The following NRG3 variants were observed in gnomAD, a reference collection of about 807,000 sequenced individuals.
NRG3 encodes neuregulin 3, also known as pro-neuregulin-3, membrane-bound isoform.
NRG3 carries 31 observed loss-of-function variants against 66.9 expected under a neutral mutation model. The observed-to-expected ratio is 0.46, with a 90% CI of 0.35 to 0.63. NRG3 has a LOEUF of 0.63. Among genes scored for constraint, NRG3 ranks in the 20% least tolerant of loss-of-function variants. The pLI is 0.00. For missense variants in NRG3, 910 were observed against 878.9 expected, an observed-to-expected ratio of 1.04 and a Z score of -0.45; for synonymous variants, 393 against 359.4, an observed-to-expected ratio of 1.09 and a Z score of -1.06.
chr10:82,005,717 A>G (rs550741262), intron 1 of NRG3, among the ~76,000 whole-genome samples: 1 of 152,290 alleles, frequency 6.6e-6, no homozygotes, highest in South Asian at 2.1e-4. Context: ...ATGTACTTAC[A>G]ATGAATAAAT....
intron 1 of NRG3, among the ~76,000 whole-genome samples, chr10:82,220,116 G>A (rs1218010978): frequency 1.3e-5 from 2 of 152,068 alleles, no homozygotes; most frequent in South Asian, 4.2e-4. Context: ...TCATTTTGCT[G>A]TCAAGATAGG....
At chr10:82,098,553 C>G (rs1005937495) in intron 1 of NRG3, among the ~76,000 whole-genome samples, 2 of 152,280 alleles carry the variant, frequency 1.3e-5, no homozygotes, top group Middle Eastern at 3.4e-3. Flanking sequence ...GATGGATACA[C>G]TATCTCTAGC....
intron 3 of NRG3, among the ~76,000 whole-genome samples, chr10:82,784,293 C>T (rs1269686044): frequency 7.3e-5 from 11 of 151,350 alleles, no homozygotes; most frequent in Admixed American, 1.3e-4. Context: ...AGGACATAGG[C>T]ATGGGCAAGG....
chr10:82,103,971 G>A (rs2066911678), intron 1 of NRG3, among the ~76,000 whole-genome samples: 1 of 147,126 alleles, frequency 6.8e-6, no homozygotes, highest in Non-Finnish European at 1.5e-5. Context: ...TTTTTCTCGT[G>A]CCTTTTTTTT....
At chr10:82,685,636 T>G (rs2054455091) in intron 2 of NRG3, among the ~76,000 whole-genome samples, 1 of 152,198 alleles carries the variant, frequency 6.6e-6, no homozygotes, top group African/African-American at 2.4e-5. Context: ...TGCTGTAACA[T>G]TTTTACTTTA....
At chr10:82,635,275 G>A (rs1370089747) in intron 2 of NRG3, among the ~76,000 whole-genome samples, 1 of 152,028 alleles carries the variant, frequency 6.6e-6, no homozygotes, top group African/African-American at 2.4e-5. Flanking sequence ...CAGAACCCAC[G>A]TAGTTATTTG....
chr10:82,195,280 A>G (rs2074384359), intron 1 of NRG3, among the ~76,000 whole-genome samples: 1 of 152,200 alleles, frequency 6.6e-6, no homozygotes, highest in Admixed American at 6.5e-5. Context: ...GTTTCCATGG[A>G]CACGTGCAGT....
chr10:82,453,030 A>G (rs1377794929), intron 2 of NRG3, among the ~76,000 whole-genome samples: 1 of 152,138 alleles, frequency 6.6e-6, no homozygotes, highest in Admixed American at 6.5e-5. Flanking sequence ...AGGAGTATGA[A>G]TCCTTAGTAG....
At chr10:82,529,774 A>G (rs1847079179) in intron 2 of NRG3, among the ~76,000 whole-genome samples, 1 of 152,190 alleles carries the variant, frequency 6.6e-6, no homozygotes, top group South Asian at 2.1e-4. Context: ...TTGTTATTTT[A>G]GGAAACTGTG....
chr10:82,274,065 C>T (rs185898621), intron 1 of NRG3, among the ~76,000 whole-genome samples: 5 of 152,002 alleles, frequency 3.3e-5, no homozygotes, highest in Admixed American at 6.6e-5. Context: ...CCACCTCCTA[C>T]GATGATTATG....
At chr10:82,166,130 C>G (rs1226895293) in intron 1 of NRG3, among the ~76,000 whole-genome samples, 1 of 152,152 alleles carries the variant, frequency 6.6e-6, no homozygotes, top group Non-Finnish European at 1.5e-5. Context: ...TCAAGCAATT[C>G]TCCTGCCTCA....
chr10:82,663,828 G>C (rs570983371), intron 2 of NRG3, among the ~76,000 whole-genome samples: 2 of 152,202 alleles, frequency 1.3e-5, no homozygotes, highest in African/African-American at 4.8e-5. Flanking sequence ...TGCATTTATA[G>C]TAAGCCTTCA....
At position 82,072,591 on chromosome 10, in the gene NRG3, TACAC is replaced by T. The variant is rs200797205; in HGVS notation, c.823+196430_823+196433del. 5.3e-3 allele frequency among the ~76,000 whole-genome samples: 812 copies of T among 152,274 alleles called. 7 individuals carry two copies. Among genetic ancestry groups the T allele is most frequent in the African/African-American group, 0.018 (730 of 41,564 alleles). On this transcript the variant is annotated intron_variant, in intron 1 of 8. Coordinates refer to ENST00000372141, the MANE Select transcript of NRG3 (RefSeq NM_001010848.4). ...CTCTGCTTATAGAACGTGCTGCAGATACACAGAGAGTATGTTGGTATCTATACTT... is the reference window on the plus strand; with the variant it reads ...CTCTGCTTATAGAACGTGCTGCAGATAGAGAGTATGTTGGTATCTATACTT...
intron 2 of NRG3, among the ~76,000 whole-genome samples, chr10:82,539,362 T>C (rs1407745708): frequency 1.3e-5 from 2 of 152,202 alleles, no homozygotes; most frequent in Non-Finnish European, 2.9e-5. Flanking sequence ...AAAATCCCAT[T>C]GTAATCAAAG....
At chr10:82,001,614 T>G (rs900740534) in intron 1 of NRG3, among the ~76,000 whole-genome samples, 8 of 152,132 alleles carry the variant, frequency 5.3e-5, no homozygotes, top group African/African-American at 1.9e-4. Flanking sequence ...AAGCTTACCT[T>G]ACTACGCAAG....
At chr10:82,306,321 C>T (rs2080721469) in intron 1 of NRG3, among the ~76,000 whole-genome samples, 1 of 152,100 alleles carries the variant, frequency 6.6e-6, no homozygotes, top group South Asian at 2.1e-4. Context: ...ACTGGAACGA[C>T]TATTAATAAA....
At chr10:82,165,589 T>C (rs2071975091) in intron 1 of NRG3, among the ~76,000 whole-genome samples, 2 of 152,072 alleles carry the variant, frequency 1.3e-5, no homozygotes, top group African/African-American at 4.8e-5. Flanking sequence ...TTCCTCATTG[T>C]AAAAACTCTA....
At chr10:82,946,725 GT>G (rs1849060848) in intron 4 of NRG3, among the ~76,000 whole-genome samples, 2 of 151,948 alleles carry the variant, frequency 1.3e-5, no homozygotes, top group Non-Finnish European at 2.9e-5. Context: ...TAATAACACA[GT>G]AAAAATAGAA....
At chr10:81,969,117 A>G (rs1258761887) in intron 1 of NRG3, among the ~76,000 whole-genome samples, 2 of 152,162 alleles carry the variant, frequency 1.3e-5, no homozygotes, top group Non-Finnish European at 2.9e-5. Context: ...GAGGGGTAAG[A>G]GAAGGACATG....
Sources: gnomAD v4.1 joint callset for allele counts (sites outside exome capture counted in the v4.1 genomes callset) on GRCh38, gnomAD v4.1.1 for gene constraint, MANE v1.5 for transcripts, NCBI Gene and HGNC (gene_info 2026-07-23, HGNC 2026-07-21) for gene names.